The following NSMF variants were observed in gnomAD, a reference collection of about 807,000 sequenced individuals.
The protein encoded by NSMF is NMDA receptor synaptonuclear signaling and neuronal migration factor.
In NSMF, 31 loss-of-function variants were observed where a neutral mutation model predicts 71.0. The observed-to-expected ratio is 0.44, with a 90% CI of 0.33 to 0.59. NSMF has a LOEUF of 0.59. Ranked by LOEUF, NSMF falls within the 20% of genes least tolerant of loss-of-function variation. The pLI is 0.04. For synonymous variants in NSMF, 345 were observed against 287.1 expected, an observed-to-expected ratio of 1.20 and a Z score of -2.04; for missense variants, 673 against 740.5, an observed-to-expected ratio of 0.91 and a Z score of 1.06.
chr9:137,452,273 C>G (rs1345553297), intron 12 of NSMF, 92 bp downstream of exon 12: 1 of 1,306,952 alleles, frequency 7.7e-7, no homozygotes, highest in African/African-American at 1.5e-5. Context: ...ACCTCTTCCC[C>G]TTGGTCTCCC....
intron 4 of NSMF, among the ~76,000 whole-genome samples, chr9:137,456,159 G>C (rs1476915338): frequency 6.6e-6 from 1 of 151,162 alleles, no homozygotes; most frequent in Non-Finnish European, 1.5e-5. Flanking sequence ...ACCCCACTGA[G>C]AGCTCATCAG....
Position 137,457,843 on chromosome 9 carries a change from G to A in NSMF, c.192C>T (p.Ala64=), listed in dbSNP as rs1331889804. The A allele has an allele frequency of 1.9e-6, 3 of 1,553,960 alleles. No individual in the cohort carries two copies. The highest frequency in any genetic ancestry group is 2.6e-6 in the Non-Finnish European group (3 of 1,149,444). ...GHDGSPEMQP[A]PQNKRRLSLV... ...GGGACAGGCGGCGCTTGTTCTGGGGGGCCGGCTGCATCTCGGGGGACCCGT... is the reference window on the plus strand; with the variant it reads ...GGGACAGGCGGCGCTTGTTCTGGGGAGCCGGCTGCATCTCGGGGGACCCGT... Residue 64 remains alanine (A), a synonymous_variant, in exon 3 of 16, where the codon GCC becomes GCT. Coordinates refer to ENST00000371475, the MANE Select transcript of NSMF (RefSeq NM_001130969.3).
Position 137,459,191 on chromosome 9 carries a change from CGCTCGG to C in NSMF, c.-95_-90del, listed in dbSNP as rs1039188213. The C allele has an allele frequency of 1.4e-4, 137 of 981,750 alleles. No individual in the cohort carries two copies. Among genetic ancestry groups the C allele is most frequent in the Middle Eastern group, 4.3e-4 (1 of 2,346 alleles). The allele number at this position is 981,750 out of a possible 1,614,324, so 60.8% of individuals were successfully genotyped here. ...GGTAGCCGCGCCGCACCGGGGGTCG[CGCTCGG>C]GCTCGGGCTCGGGGTCTCGCTCGGG... On this transcript the variant is annotated 5_prime_UTR_variant, in exon 1 of 16. Transcript: ENST00000371475.
chr9:137,455,867 G>A (rs1208217226), intron 4 of NSMF, among the ~76,000 whole-genome samples: 1 of 152,256 alleles, frequency 6.6e-6, no homozygotes, highest in Non-Finnish European at 1.5e-5. Flanking sequence ...TGGTTGCTGA[G>A]ACCAGGCAGC....
At position 137,449,609 on chromosome 9, in the gene NSMF, G is replaced by A. The variant is rs780154049; in HGVS notation, c.1485C>T (p.Leu495=). 3.7e-6 allele frequency: 6 copies of A among 1,612,408 alleles called. No homozygotes were observed. In the South Asian group the frequency reaches 5.5e-5, roughly 15 times the overall value. ...GCCTGGGTAACTCACCTTGGGCTGA[G>A]AGCTCCAGGGGTGACTCGAAGGTGA... The part of the protein sequence containing the change: ...YRVTFESPLE[L]SAQGKQMIET... The change falls in exon 15 of 16, where the codon CTC becomes CTT. Residue 495 remains leucine (L), a synonymous_variant. Transcript: ENST00000371475.
Position 137,458,040 on chromosome 9 carries a change from G to A in NSMF, c.134-139C>T, listed in dbSNP as rs74556873. 4.8e-3 allele frequency: 6,024 copies of A among 1,255,042 alleles called. 365 individuals carry two copies. The East Asian group carries it at 0.13, about 26-fold the overall frequency. The allele number at this position is 1,255,042 out of a possible 1,614,324, so 77.7% of individuals were successfully genotyped here. A position where few individuals can be genotyped will look rare whatever the true frequency, so the allele number is the denominator to read the frequency against. ...AGGGCTGCCCAAACCCTAGTCACTG[G>A]CGTGTTTCTGAGCCCCTCACTCCTA... On this transcript the variant is annotated intron_variant, in intron 2 of 15. Coordinates refer to ENST00000371475, the MANE Select transcript of NSMF (RefSeq NM_001130969.3).
At position 137,454,475 on chromosome 9, in the gene NSMF, C is replaced by G. The variant is rs748546164; in HGVS notation, c.780-32G>C. 25 of 1,549,976 alleles carry G rather than the reference C, an allele frequency of 1.6e-5. No homozygotes were observed. The South Asian group carries it at 2.5e-4, about 15-fold the overall frequency. On this transcript the variant is annotated intron_variant, in intron 6 of 15. Coordinates refer to ENST00000371475, the MANE Select transcript of NSMF (RefSeq NM_001130969.3). ...GAGGAAGCCAGGGGCTGAAGAGGGC[C>G]GTGAGAGGGTGACGGCAGCCCCTGC...
intron 3 of NSMF, among the ~76,000 whole-genome samples, chr9:137,457,112 C>T (rs888442215): frequency 1.3e-5 from 2 of 152,152 alleles, no homozygotes; most frequent in African/African-American, 2.4e-5. Flanking sequence ...CTACATATCC[C>T]TTAAGATCCT....
At chr9:137,454,743 T>C in intron 6 of NSMF, 3 of 1,464,586 alleles carry the variant, frequency 2.0e-6, no homozygotes, top group South Asian at 2.5e-5. Flanking sequence ...GCCCGGGACT[T>C]ACGCCCTGAG....
intron 3 of NSMF, 120 bp from the exon 4 acceptor site, chr9:137,456,606 G>T: frequency 2.8e-6 from 2 of 717,662 alleles, no homozygotes; most frequent in Non-Finnish European, 2.6e-6. Context: ...CAGCCAGGGC[G>T]GGTGGGGGGA....
At chr9:137,454,701 G>T (rs1456141033) in intron 6 of NSMF, 3 of 1,515,906 alleles carry the variant, frequency 2.0e-6, no homozygotes, top group Non-Finnish European at 2.6e-6. Flanking sequence ...CTCCTCCCGA[G>T]CTGCATTCCC....
In NSMF at chr9:137,452,751, G is replaced by T; in HGVS notation, c.1116C>A (p.Ile372=). 1 of 1,607,132 alleles carries T rather than the reference G, an allele frequency of 6.2e-7. No homozygotes were observed. The highest frequency in any genetic ancestry group is 8.5e-7 in the Non-Finnish European group (1 of 1,177,926). ...PTIIRRDDPS[I]IPILYDHEHA... The stretch of plus-strand genomic sequence containing the variant: ...CGGGACTCACGTAGAGGATGGGGAT[G>T]ATGGAGGGGTCATCCCGGCGGATGA... The change falls in exon 10 of 16, where the codon ATC becomes ATA. Residue 372 remains isoleucine (I), a synonymous_variant. Coordinates refer to ENST00000371475, the MANE Select transcript of NSMF (RefSeq NM_001130969.3).
chr9:137,456,957 A>C (rs1435405753), intron 3 of NSMF, among the ~76,000 whole-genome samples: 1 of 152,060 alleles, frequency 6.6e-6, no homozygotes, highest in Non-Finnish European at 1.5e-5. Flanking sequence ...GTGTGGGGAC[A>C]GTGGAGTGAC....
At position 137,449,640 on chromosome 9, in the gene NSMF, T is replaced by TA; in HGVS notation, c.1453dup (p.Tyr485LeufsTer2). The TA allele has an allele frequency of 6.2e-7, 1 of 1,612,578 alleles. No homozygotes were observed. ...CAGGGGTGACTCGAAGGTGACCCTA[T>TA]AAGGAGTCATGAGGGTCCTGAGGTT... On this transcript the variant is annotated frameshift_variant, in exon 15 of 16. Transcript: ENST00000371475. LOFTEE classifies it high-confidence loss of function.
Position 137,453,432 on chromosome 9 carries a change from T to C in NSMF, c.923-252A>G. 2 of 609,260 alleles carry C rather than the reference T, an allele frequency of 3.3e-6. No homozygotes were observed. Among genetic ancestry groups the C allele is most frequent in the Non-Finnish European group, 5.7e-6 (2 of 348,296 alleles). 37.7% of individuals were successfully genotyped at this position (609,260 alleles called of 1,614,324 possible). On this transcript the variant is annotated intron_variant, in intron 8 of 15. Coordinates refer to ENST00000371475, the MANE Select transcript of NSMF (RefSeq NM_001130969.3). This position sits in a 1 kb window ranked among gnomAD's most constrained non-coding sequence, Gnocchi z 4.5. Reference sequence around the variant, plus strand: ...CGTGCAGGCATCAGCTCCAGCCAAGTCCGCCGGGCGCCTGGGAGGGAGTGG... The same window carrying C: ...CGTGCAGGCATCAGCTCCAGCCAAGCCCGCCGGGCGCCTGGGAGGGAGTGG...
intron 3 of NSMF, 147 bp from the exon 4 acceptor site, chr9:137,456,633 C>A: frequency 1.4e-6 from 1 of 723,658 alleles, no homozygotes; most frequent in Non-Finnish European, 2.6e-6. Context: ...CATCCCCACA[C>A]GGGCACAGAG....
intron 9 of NSMF, 55 bp from the exon 10 acceptor site, chr9:137,452,874 C>A: frequency 1.3e-6 from 2 of 1,556,036 alleles, no homozygotes; most frequent in South Asian, 2.3e-5. Context: ...AGCCAAGGGG[C>A]TGTGGGAGCC....
intron 1 of NSMF, 98 bp from the exon 2 acceptor site, chr9:137,458,647 C>A: frequency 8.3e-7 from 1 of 1,211,684 alleles, no homozygotes; most frequent in East Asian, 2.5e-5. Flanking sequence ...GCCAGGCCCT[C>A]GGCGTCTGGA....
At chr9:137,452,298 T>TC in intron 12 of NSMF, 67 bp downstream of exon 12, 1 of 1,513,746 alleles carries the variant, frequency 6.6e-7, no homozygotes, top group Middle Eastern at 1.7e-4. Context: ...CTTGACTTCT[T>TC]CCCCTTGGTC....
Sources: gnomAD v4.1 joint callset for allele counts (sites outside exome capture counted in the v4.1 genomes callset) on GRCh38, gnomAD v4.1.1 for gene constraint, Gnocchi (gnomAD v3.1) non-coding constraint, MANE v1.5 for transcripts, NCBI Gene and HGNC (gene_info 2026-07-23, HGNC 2026-07-21) for gene names.